Variants in PPFIBP1 observed in about 807,000 individuals in gnomAD.
The protein encoded by PPFIBP1 is PPFIB scaffold protein 1.
Under a neutral mutation model 137.8 loss-of-function variants are expected in PPFIBP1, and 112 were observed. The ratio of observed to expected loss-of-function variants is 0.81; its 90% confidence interval spans 0.70 to 0.95. The LOEUF (loss-of-function observed/expected upper bound fraction) is 0.95. Ranked by LOEUF, PPFIBP1 falls within the 40% of genes least tolerant of loss-of-function variation. The pLI is 0.00. For missense variants in PPFIBP1, 1,083 were observed against 1,196.6 expected (o/e 0.91, Z 1.40); for synonymous variants, 378 against 417.3 (o/e 0.91, Z 1.15).
At chr12:27,665,452 G>A (rs867591237) in intron 12 of PPFIBP1, among the ~76,000 whole-genome samples, 11 of 152,248 alleles carry the variant, frequency 7.2e-5, no homozygotes, top group Middle Eastern at 3.4e-3. Context: ...ACTGATATGG[G>A]GAAGCCTAGA....
intron 2 of PPFIBP1, chr12:27,599,255 T>C (rs1218958075): frequency 4.5e-6 from 1 of 222,586 alleles, no homozygotes; most frequent in Admixed American, 5.1e-5. Context: ...CCCTTCCCAG[T>C]GTGGGTGGAC....
chr12:27,634,981 T>TC lies in PPFIBP1; in HGVS notation c.136_137insC (p.Leu46SerfsTer21), dbSNP rs1348904039. On this transcript the variant is annotated frameshift_variant, in exon 4 of 30. Coordinates refer to ENST00000228425, the MANE Select transcript of PPFIBP1 (RefSeq NM_003622.4). LOFTEE classifies it high-confidence loss of function. ...TCCCACCTCTCCATTCATGGGAAGT[T>TC]TGCGAGCTCTGCACCTTGTGGAAGA... 1 of 1,614,164 alleles carries TC rather than the reference T, an allele frequency of 6.2e-7. No homozygotes were observed. Among genetic ancestry groups the TC allele is most frequent in the South Asian group, 1.1e-5 (1 of 91,086 alleles).
intron 1 of PPFIBP1, among the ~76,000 whole-genome samples, chr12:27,549,660 T>A (rs1051606991): frequency 6.7e-6 from 1 of 148,346 alleles, no homozygotes; most frequent in African/African-American, 2.5e-5. Flanking sequence ...GGGAAATAAA[T>A]CAAGAACAGA....
At chr12:27,627,580 G>A (rs376421537) in intron 2 of PPFIBP1, among the ~76,000 whole-genome samples, 277 of 152,280 alleles carry the variant, frequency 1.8e-3, no homozygotes, top group African/African-American at 6.4e-3. Context: ...AAATTTAAAA[G>A]AAACTTGCTA....
chr12:27,660,102 G>T (rs913902071), intron 10 of PPFIBP1, among the ~76,000 whole-genome samples: 2 of 151,866 alleles, frequency 1.3e-5, no homozygotes, highest in Non-Finnish European at 2.9e-5. Context: ...ATGTTGCCCA[G>T]GCTGGTCTCA....
intron 1 of PPFIBP1, chr12:27,548,688 C>T (rs1946465291): frequency 6.6e-6 from 1 of 152,184 alleles, no homozygotes; most frequent in African/African-American, 2.4e-5. Flanking sequence ...GGGTTGTGCT[C>T]CTCCATCATC....
intron 2 of PPFIBP1, among the ~76,000 whole-genome samples, chr12:27,588,298 C>A (rs1189749215): frequency 6.6e-6 from 1 of 152,088 alleles, no homozygotes; most frequent in Admixed American, 6.5e-5. Flanking sequence ...ATGTTTTTTT[C>A]CCTGACAGTG....
chr12:27,638,786 A>T (rs1593041305), intron 4 of PPFIBP1, among the ~76,000 whole-genome samples: 1 of 152,230 alleles, frequency 6.6e-6, no homozygotes, highest in Non-Finnish European at 1.5e-5. Context: ...ACTGAAGAGA[A>T]GCTTCTGGGA....
chr12:27,592,356 C>T (rs756289098), intron 2 of PPFIBP1: 41 of 564,430 alleles, frequency 7.3e-5, no homozygotes, highest in East Asian at 4.1e-4. Flanking sequence ...GTAACAAGAA[C>T]GTTTATTTTG....
chr12:27,644,209 T>G (rs2058307370), intron 4 of PPFIBP1, among the ~76,000 whole-genome samples: 1 of 148,318 alleles, frequency 6.7e-6, no homozygotes, highest in Non-Finnish European at 1.5e-5. Context: ...CCAGAGTAAC[T>G]AGGACCACAG....
At chr12:27,573,297 G>T (rs991501898) in intron 1 of PPFIBP1, among the ~76,000 whole-genome samples, 3 of 152,288 alleles carry the variant, frequency 2.0e-5, no homozygotes, top group Admixed American at 2.0e-4. Flanking sequence ...ATAGTAACGG[G>T]TGTTGGCAAT....
chr12:27,553,693 C>G (rs1429150860), intron 1 of PPFIBP1, among the ~76,000 whole-genome samples: 3 of 152,308 alleles, frequency 2.0e-5, no homozygotes, highest in East Asian at 3.9e-4. Flanking sequence ...CAGGGGGCAC[C>G]ATTCATACCA....
At chr12:27,581,813 C>T (rs2136983067) in intron 2 of PPFIBP1, among the ~76,000 whole-genome samples, 1 of 152,162 alleles carries the variant, frequency 6.6e-6, no homozygotes, top group Admixed American at 6.5e-5. Context: ...TATAAATGAT[C>T]TTGGTTTCAT....
intron 2 of PPFIBP1, among the ~76,000 whole-genome samples, chr12:27,618,346 T>C (rs1045522787): frequency 3.3e-5 from 5 of 152,202 alleles, no homozygotes; most frequent in African/African-American, 1.2e-4. Context: ...CCAACATGAC[T>C]CATTATTCCC....
Position 27,622,443 on chromosome 12 carries a change from T to C in PPFIBP1, c.-35-10919T>C, listed in dbSNP as rs373893194. Reference sequence around the variant, plus strand: ...GTTGCGATGTAATTTTTAAAACATTTATTCTCAATTTCTGTACTTACAGTA... The same window carrying C: ...GTTGCGATGTAATTTTTAAAACATTCATTCTCAATTTCTGTACTTACAGTA... On this transcript the variant is annotated intron_variant, in intron 2 of 29. Coordinates refer to ENST00000228425, the MANE Select transcript of PPFIBP1 (RefSeq NM_003622.4). Among the ~76,000 whole-genome samples, 335 of 152,380 alleles carry C rather than the reference T, an allele frequency of 2.2e-3. 8 individuals are homozygous for C. The South Asian group carries it at 0.061, about 28-fold the overall frequency.
At chr12:27,640,528 A>T (rs186289582) in intron 4 of PPFIBP1, among the ~76,000 whole-genome samples, 34 of 152,260 alleles carry the variant, frequency 2.2e-4, no homozygotes, top group African/African-American at 7.9e-4. Flanking sequence ...CCCCAAATTC[A>T]GGGGACTTAG....
chr12:27,595,885 AAATAT>A (rs2053198825), intron 2 of PPFIBP1, among the ~76,000 whole-genome samples: 8 of 116,298 alleles, frequency 6.9e-5, no homozygotes, highest in Admixed American at 1.7e-4. Flanking sequence ...AACAACAACA[AAATAT>A]ATATATATAT....
intron 2 of PPFIBP1, chr12:27,599,365 AT>A (rs2137660247): frequency 2.3e-6 from 1 of 438,880 alleles, no homozygotes; most frequent in South Asian, 1.6e-5. Context: ...CACTTACACT[AT>A]CAGCCCTCCT....
chr12:27,679,824 C>A, intron 20 of PPFIBP1, 109 bp from the exon 21 acceptor site: 1 of 1,436,424 alleles, frequency 7.0e-7, no homozygotes. Context: ...TCTATGTTAA[C>A]AACACAAAGA....
Sources: gnomAD v4.1 joint callset for allele counts (sites outside exome capture counted in the v4.1 genomes callset) on GRCh38, gnomAD v4.1.1 for gene constraint, MANE v1.5 for transcripts, NCBI Gene and HGNC (gene_info 2026-07-23, HGNC 2026-07-21) for gene names.